KDM4B: variants seen among roughly 807,000 people sequenced by gnomAD.
KDM4B encodes the protein lysine demethylase 4B, also known as lysine-specific demethylase 4B.
A neutral mutation model predicts 125.2 loss-of-function variants in KDM4B; 32 were observed. The observed-to-expected ratio is 0.26, with a 90% CI of 0.19 to 0.34. The LOEUF (loss-of-function observed/expected upper bound fraction) is 0.34. Ranked by LOEUF, KDM4B falls within the 10% of genes least tolerant of loss-of-function variation. The pLI, the probability that KDM4B is intolerant of heterozygous loss-of-function variation, is 1.00. For missense variants in KDM4B, 1,190 were observed against 1,577.7 expected, an observed-to-expected ratio of 0.75 and a Z score of 4.16; for synonymous variants, 721 against 677.9, an observed-to-expected ratio of 1.06 and a Z score of -0.99.
At chr19:5,063,635 C>T (rs1235944857) in intron 6 of KDM4B, among the ~76,000 whole-genome samples, 1 of 152,224 alleles carries the variant, frequency 6.6e-6, no homozygotes, top group Non-Finnish European at 1.5e-5. Context: ...GCATCTGTGG[C>T]ACTGAGCCCA....
At chr19:5,069,460 C>G (rs1396757363) in intron 6 of KDM4B, among the ~76,000 whole-genome samples, 1 of 151,894 alleles carries the variant, frequency 6.6e-6, no homozygotes, top group African/African-American at 2.4e-5. Context: ...CAGGCGCCTG[C>G]CACCACGCCT....
rs117755193 is a variant in KDM4B, at chr19:5,059,617, G to C, written c.627-11393G>C. Reference sequence around the variant, plus strand: ...GCCTCATGGCCATCGGCCTGTGTGTGAGACAGTTCAACTCCCGTGCTCTCC... The same window carrying C: ...GCCTCATGGCCATCGGCCTGTGTGTCAGACAGTTCAACTCCCGTGCTCTCC... On this transcript the variant is annotated intron_variant, in intron 6 of 22. Coordinates refer to ENST00000159111, the MANE Select transcript of KDM4B (RefSeq NM_015015.3). Among the ~76,000 whole-genome samples, 585 of 152,352 alleles carry C rather than the reference G, an allele frequency of 3.8e-3. 8 individuals carry two copies. Among genetic ancestry groups the C allele is most frequent in the Middle Eastern group, 6.8e-3 (2 of 294 alleles).
chr19:5,100,063 A>G (rs534316959), intron 9 of KDM4B, among the ~76,000 whole-genome samples: 1 of 152,364 alleles, frequency 6.6e-6, no homozygotes, highest in South Asian at 2.1e-4. Flanking sequence ...TGCTGCTGGC[A>G]CAAAGATGCT....
chr19:5,142,727 G>A lies in KDM4B; in HGVS notation c.2551-1240G>A, dbSNP rs2039767320. ...CTCTGCCGGAGGGGGAGGCCGTGCTGGAGTGATGCCTGGCGCGTGTTGTGT... is the reference window on the plus strand; with the variant it reads ...CTCTGCCGGAGGGGGAGGCCGTGCTAGAGTGATGCCTGGCGCGTGTTGTGT... On this transcript the variant is annotated intron_variant, in intron 18 of 22. Coordinates refer to ENST00000159111, the MANE Select transcript of KDM4B (RefSeq NM_015015.3). The surrounding 1 kb of genome is among the most constrained non-coding windows in gnomAD (Gnocchi z 5.4). 6.6e-6 allele frequency among the ~76,000 whole-genome samples: 1 copy of A among 152,136 alleles called. No individual in the cohort carries two copies.
intron 18 of KDM4B, 97 bp from the exon 19 acceptor site, chr19:5,143,870 C>A: frequency 2.0e-6 from 2 of 1,003,062 alleles, no homozygotes; most frequent in Non-Finnish European, 3.0e-6. Flanking sequence ...CCCGCGATGC[C>A]TCCCTTGAAG....
At chr19:4,979,066 G>A (rs537886330) in intron 1 of KDM4B, among the ~76,000 whole-genome samples, 2 of 152,136 alleles carry the variant, frequency 1.3e-5, no homozygotes, top group Non-Finnish European at 2.9e-5. Context: ...GAGGATCGGT[G>A]GAGGCCAGGA....
At chr19:5,149,511 G>A (rs1486048610) in intron 21 of KDM4B, among the ~76,000 whole-genome samples, 1 of 152,210 alleles carries the variant, frequency 6.6e-6, no homozygotes, top group Non-Finnish European at 1.5e-5. Flanking sequence ...CCTCTGATAT[G>A]GGAACCTTCT....
intron 2 of KDM4B, among the ~76,000 whole-genome samples, chr19:5,032,663 G>A (rs1017373164): frequency 6.6e-6 from 1 of 152,212 alleles, no homozygotes. Context: ...GTTAGCTGCA[G>A]CCCTCGTGCC....
chr19:5,150,947 C>T (rs1402121976), intron 22 of KDM4B, among the ~76,000 whole-genome samples: 1 of 152,250 alleles, frequency 6.6e-6, no homozygotes, highest in African/African-American at 2.4e-5. Flanking sequence ...CCCCAGCCCT[C>T]ATGGGCTTCC....
chr19:5,134,357 C>G (rs1235293065), intron 14 of KDM4B, among the ~76,000 whole-genome samples: 2 of 152,180 alleles, frequency 1.3e-5, no homozygotes, highest in Non-Finnish European at 2.9e-5. Flanking sequence ...CTGGTGGGCG[C>G]TGAGATGGGC....
At chr19:5,093,340 C>T (rs1270780310) in intron 9 of KDM4B, among the ~76,000 whole-genome samples, 2 of 152,156 alleles carry the variant, frequency 1.3e-5, no homozygotes, top group Middle Eastern at 3.2e-3. Context: ...TGGAAGGCTG[C>T]GGAAGGCCAT....
At chr19:5,096,277 G>A (rs932167991) in intron 9 of KDM4B, among the ~76,000 whole-genome samples, 1 of 152,090 alleles carries the variant, frequency 6.6e-6, no homozygotes, top group African/African-American at 2.4e-5. Flanking sequence ...TAGAGGTGGG[G>A]TTTCTCCATG....
At chr19:4,981,249 G>A (rs939613567) in intron 1 of KDM4B, among the ~76,000 whole-genome samples, 1 of 152,080 alleles carries the variant, frequency 6.6e-6, no homozygotes, top group African/African-American at 2.4e-5. Context: ...GTCCTGTAAG[G>A]TCACCCCTGG....
intron 2 of KDM4B, among the ~76,000 whole-genome samples, chr19:5,017,629 C>G (rs1348992629): frequency 6.6e-6 from 1 of 152,174 alleles, no homozygotes; most frequent in African/African-American, 2.4e-5. Flanking sequence ...GTTTGTGCTT[C>G]CTTACAAGAT....
chr19:5,146,939 C>A (rs1421251661), intron 21 of KDM4B, among the ~76,000 whole-genome samples: 174 of 60,454 alleles, frequency 2.9e-3, no homozygotes, highest in South Asian at 7.2e-3. Flanking sequence ...ACCCTGTCTC[C>A]AAAAAAAAAA....
In KDM4B at chr19:5,153,155, A is replaced by ATT. The variant is rs1216190323; in HGVS notation, c.*1646_*1647dup. On this transcript the variant is annotated 3_prime_UTR_variant, in exon 23 of 23. Coordinates refer to ENST00000159111, the MANE Select transcript of KDM4B (RefSeq NM_015015.3). Reference sequence around the variant, plus strand: ...AGTGTTACGCAGGAGCAAGCCTTTCATTTCCTTGGTGGGGGAGGGGGGCGG... The same window carrying ATT: ...AGTGTTACGCAGGAGCAAGCCTTTCATTTTTCCTTGGTGGGGGAGGGGGGCGG... The ATT allele has an allele frequency of 1.9e-5, 2 of 107,054 alleles. No homozygotes were observed. Among genetic ancestry groups the ATT allele is most frequent in the African/African-American group, 7.2e-5 (2 of 27,732 alleles). The allele number at this position is 107,054 out of a possible 1,614,324, so 6.6% of individuals were successfully genotyped here. A position where few individuals can be genotyped will look rare whatever the true frequency, so the allele number is the denominator to read the frequency against.
At chr19:5,033,107 T>C in intron 3 of KDM4B, 76 bp downstream of exon 3, 3 of 1,547,234 alleles carry the variant, frequency 1.9e-6, no homozygotes, top group Non-Finnish European at 2.6e-6. Flanking sequence ...GGGTCCCAGC[T>C]CAGCCAGCCC....
chr19:5,069,029 A>AG (rs2037864241), intron 6 of KDM4B, among the ~76,000 whole-genome samples: 2 of 152,148 alleles, frequency 1.3e-5, no homozygotes, highest in East Asian at 1.9e-4. Context: ...CCCTGTGCGG[A>AG]GGGGTCTTTA....
chr19:5,085,588 G>A (rs945208101), intron 9 of KDM4B, among the ~76,000 whole-genome samples: 7 of 152,390 alleles, frequency 4.6e-5, no homozygotes, highest in Middle Eastern at 3.4e-3. Context: ...ATTGTCAGGC[G>A]GCGTAGCAAG....
Sources: allele counts gnomAD v4.1 joint callset (sites outside exome capture counted in the v4.1 genomes callset), GRCh38; gene constraint gnomAD v4.1.1; non-coding constraint Gnocchi (gnomAD v3.1); transcripts MANE v1.5; gene names NCBI Gene and HGNC (gene_info 2026-07-23, HGNC 2026-07-21).